The following PHLDB2 variants were observed in gnomAD, a reference collection of about 807,000 sequenced individuals.
PHLDB2 encodes the protein pleckstrin homology-like domain family B member 2.
Under a neutral mutation model 123.6 loss-of-function variants are expected in PHLDB2, and 71 were observed. The ratio of observed to expected loss-of-function variants is 0.57; its 90% CI spans 0.47 to 0.70. The LOEUF (loss-of-function observed/expected upper bound fraction) is 0.70. PHLDB2 is among the 30% of genes least tolerant of loss of function. The probability of loss-of-function intolerance (pLI) is 0.00; values close to 1 mark genes in which losing one functional copy is unlikely to be tolerated. For missense variants in PHLDB2, 1,446 were observed against 1,519.5 expected, an observed-to-expected ratio of 0.95 and a Z score of 0.80; for synonymous variants, 547 against 541.6, an observed-to-expected ratio of 1.01 and a Z score of -0.14.
intron 1 of PHLDB2, among the ~76,000 whole-genome samples, chr3:111,806,169 T>G (rs951926524): frequency 4.6e-5 from 7 of 152,200 alleles, no homozygotes; most frequent in Non-Finnish European, 1.0e-4. Flanking sequence ...AACAGCCTTA[T>G]TGAGGAATAA....
chr3:111,797,156 A>T (rs1385803347), intron 1 of PHLDB2, among the ~76,000 whole-genome samples: 1 of 152,158 alleles, frequency 6.6e-6, no homozygotes, highest in Non-Finnish European at 1.5e-5. Flanking sequence ...TTAGTTTCTC[A>T]TTATATTTAC....
intron 5 of PHLDB2, among the ~76,000 whole-genome samples, chr3:111,929,065 C>T (rs1417433128): frequency 6.6e-6 from 1 of 152,090 alleles, no homozygotes; most frequent in African/African-American, 2.4e-5. Context: ...AGTTCAAGAC[C>T]ACCCTGGGAA....
At chr3:111,973,482 T>A (rs1207195810) in intron 16 of PHLDB2, among the ~76,000 whole-genome samples, 1 of 152,196 alleles carries the variant, frequency 6.6e-6, no homozygotes, top group South Asian at 2.1e-4. Flanking sequence ...TTTTGACTGC[T>A]AATCTGCTGG....
At chr3:111,873,185 C>T (rs1162295765) in intron 1 of PHLDB2, among the ~76,000 whole-genome samples, 2 of 152,080 alleles carry the variant, frequency 1.3e-5, no homozygotes, top group Admixed American at 6.6e-5. Flanking sequence ...TTTGTAAAGC[C>T]GATCTTTCAG....
At chr3:111,849,412 C>A (rs1186796723) in intron 2 of PHLDB2, among the ~76,000 whole-genome samples, 1 of 152,158 alleles carries the variant, frequency 6.6e-6, no homozygotes, top group Non-Finnish European at 1.5e-5. Flanking sequence ...CTCAAATGAT[C>A]CTTCCACCTT....
intron 1 of PHLDB2, among the ~76,000 whole-genome samples, chr3:111,875,114 T>TG (rs2065537920): frequency 6.6e-6 from 1 of 152,186 alleles, no homozygotes; most frequent in Non-Finnish European, 1.5e-5. Context: ...GAAAAAATGT[T>TG]GCAGTCTTCA....
intron 2 of PHLDB2, among the ~76,000 whole-genome samples, chr3:111,846,622 T>G (rs1321811920): frequency 6.6e-6 from 1 of 152,138 alleles, no homozygotes; most frequent in African/African-American, 2.4e-5. Context: ...CAAACTAGAT[T>G]TAATTTTTCA....
chr3:111,947,744 C>T (rs892281482), intron 9 of PHLDB2, among the ~76,000 whole-genome samples: 8 of 152,172 alleles, frequency 5.3e-5, no homozygotes, highest in African/African-American at 9.7e-5. Context: ...TAAAACTTTA[C>T]GTGATATCTA....
At chr3:111,870,293 T>C (rs2065276355) in intron 1 of PHLDB2, among the ~76,000 whole-genome samples, 1 of 151,960 alleles carries the variant, frequency 6.6e-6, no homozygotes, top group Non-Finnish European at 1.5e-5. Flanking sequence ...TTTGGGGATA[T>C]GTGGACAGGT....
At chr3:111,866,307 C>T (rs189792297) in intron 1 of PHLDB2, among the ~76,000 whole-genome samples, 62 of 152,004 alleles carry the variant, frequency 4.1e-4, no homozygotes, top group African/African-American at 1.4e-3. Context: ...CATGAGCCAC[C>T]GAGCCCGGCC....
At chr3:111,813,604 TA>T (rs2061942316) in intron 1 of PHLDB2, among the ~76,000 whole-genome samples, 1 of 152,184 alleles carries the variant, frequency 6.6e-6, no homozygotes, top group Non-Finnish European at 1.5e-5. Context: ...TTGGAATTCT[TA>T]GTGGAAAAAT....
chr3:111,738,257 A>C (rs1296980446), intron 1 of PHLDB2, among the ~76,000 whole-genome samples: 2 of 152,198 alleles, frequency 1.3e-5, no homozygotes, highest in Non-Finnish European at 2.9e-5. Context: ...GTATTGTTAT[A>C]GAATACAGTT....
In PHLDB2 at chr3:111,967,694, C is replaced by T; in HGVS notation, c.3185C>T (p.Ala1062Val). 1.2e-6 allele frequency: 2 copies of T among 1,604,960 alleles called. No individual in the cohort carries two copies. The highest frequency in any genetic ancestry group is 1.1e-5 in the South Asian group (1 of 90,300). The change falls in exon 15 of 18, where the codon GCC becomes GTC. Residue 1062 changes from alanine to valine, a missense_variant. Around this residue, in one of 3 missense-constraint regions of PHLDB2, gnomAD observed 594 missense variants for 646.0 expected, o/e 0.92. Transcript: ENST00000431670. The stretch of plus-strand genomic sequence containing the variant: ...AATGTTTAGGAACGGGAAATGGAAG[C>T]CAAAAAACGAGCCCTGGAAGAAGAA... ...LLESREREME[A>V]KKRALEEEKR...
chr3:111,823,549 A>G (rs4555492), intron 1 of PHLDB2, among the ~76,000 whole-genome samples: 32,145 of 152,076 alleles, frequency 0.21, 5,336 homozygotes, highest in African/African-American at 0.44. Flanking sequence ...TCTGCATGAC[A>G]TTCCTCTCAC....
chr3:111,820,593 C>T (rs1371001196), intron 1 of PHLDB2, among the ~76,000 whole-genome samples: 3 of 152,244 alleles, frequency 2.0e-5, no homozygotes, highest in Non-Finnish European at 4.4e-5. Context: ...ATCCACATAA[C>T]TTACAACCAG....
At chr3:111,945,559 T>TTG in intron 9 of PHLDB2, 3 of 583,342 alleles carry the variant, frequency 5.1e-6, no homozygotes, top group Non-Finnish European at 6.1e-6. Context: ...CAGATGCACA[T>TTG]TGTGTGTGTG....
At chr3:111,932,979 G>A (rs1317250239) in intron 6 of PHLDB2, among the ~76,000 whole-genome samples, 1 of 152,194 alleles carries the variant, frequency 6.6e-6, no homozygotes, top group Non-Finnish European at 1.5e-5. Flanking sequence ...TAATTTCTAA[G>A]AACTTAATGC....
intron 1 of PHLDB2, among the ~76,000 whole-genome samples, chr3:111,839,428 A>C (rs895939652): frequency 6.6e-6 from 1 of 152,164 alleles, no homozygotes; most frequent in Non-Finnish European, 1.5e-5. Context: ...CTCTCTGTTC[A>C]CAATGTACTC....
intron 2 of PHLDB2, among the ~76,000 whole-genome samples, chr3:111,896,000 T>C (rs984102660): frequency 5.9e-5 from 9 of 152,182 alleles, no homozygotes; most frequent in Non-Finnish European, 8.8e-5. Context: ...TATATTTATT[T>C]ATTATTCTTT....
Sources: gnomAD v4.1 joint callset for allele counts (sites outside exome capture counted in the v4.1 genomes callset) on GRCh38, gnomAD v4.1.1 for gene constraint, gnomAD v4.1.1 regional missense constraint, MANE v1.5 for transcripts, NCBI Gene and HGNC (gene_info 2026-07-23, HGNC 2026-07-21) for gene names.